Variants in SGO1 observed in about 807,000 individuals in gnomAD.
SGO1 encodes the protein shugoshin 1.
A neutral mutation model predicts 50.5 loss-of-function variants in SGO1; 39 were observed. The ratio of observed to expected loss-of-function variants is 0.77; its 90% CI spans 0.60 to 1.01. The LOEUF is 1.01. SGO1 is among the 50% of genes least tolerant of loss of function. The pLI is 0.00. For missense variants in SGO1, 638 were observed against 606.0 expected (o/e 1.05, Z -0.55); for synonymous variants, 191 against 205.1 (o/e 0.93, Z 0.59).
chr3:20,170,246 A>G lies in SGO1; in HGVS notation c.*458T>C. The stretch of plus-strand genomic sequence containing the variant: ...AAACCCTGTCTCTACTAAAAATACA[A>G]AATTAGCCGGGCGTAGTGGCACATG... On this transcript the variant is annotated 3_prime_UTR_variant, in exon 8 of 8. Coordinates refer to ENST00000412997, the MANE Select transcript of SGO1 (RefSeq NM_001199251.3). 1 of 484,442 alleles carries G rather than the reference A, an allele frequency of 2.1e-6. No homozygotes were observed. Among genetic ancestry groups the G allele is most frequent in the Non-Finnish European group, 2.7e-6 (1 of 372,370 alleles). 30.0% of individuals were successfully genotyped at this position (484,442 alleles called of 1,614,324 possible). A position where few individuals can be genotyped will look rare whatever the true frequency, so the allele number is the denominator to read the frequency against.
chr3:20,165,442 A>G (rs1295356521), downstream of SGO1, among the ~76,000 whole-genome samples: 3 of 152,244 alleles, frequency 2.0e-5, no homozygotes, highest in Non-Finnish European at 4.4e-5. Context: ...AATCAATAAA[A>G]GCAAAATTAT....
intron 4 of SGO1, chr3:20,177,234 A>G (rs1168963976): frequency 6.6e-6 from 1 of 152,208 alleles, no homozygotes; most frequent in Admixed American, 6.5e-5. Flanking sequence ...TCTACTCTAG[A>G]CATTAAACAG....
intron 6 of SGO1, among the ~76,000 whole-genome samples, chr3:20,171,812 G>C (rs1413132627): frequency 6.6e-6 from 1 of 152,138 alleles, no homozygotes; most frequent in African/African-American, 2.4e-5. Context: ...TGTACACCAG[G>C]AGAAAAGCTA....
In SGO1 at chr3:20,170,066, A is replaced by G; in HGVS notation, c.*638T>C. The stretch of plus-strand genomic sequence containing the variant: ...GATGCCAGAAGCTTATAATTAAAAG[A>G]TCTTATTTGAGTAATCATTATTCAT... On this transcript the variant is annotated 3_prime_UTR_variant, in exon 8 of 8. Transcript: ENST00000412997. 1 of 985,252 alleles carries G rather than the reference A, an allele frequency of 1.0e-6. No homozygotes were observed. Among genetic ancestry groups the G allele is most frequent in the South Asian group, 4.7e-5 (1 of 21,288 alleles). The allele number at this position is 985,252 out of a possible 1,614,324, so 61.0% of individuals were successfully genotyped here. A position where few individuals can be genotyped will look rare whatever the true frequency, so the allele number is the denominator to read the frequency against.
At chr3:20,167,593 T>C, downstream of SGO1, among the ~76,000 whole-genome samples, 1 of 152,152 alleles carries the variant, frequency 6.6e-6, no homozygotes, top group East Asian at 1.9e-4. Context: ...CAGATACAAG[T>C]TCATAGTAAT....
intron 5 of SGO1, 88 bp from the exon 6 acceptor site, chr3:20,175,143 G>A: frequency 7.7e-7 from 1 of 1,294,962 alleles, no homozygotes; most frequent in Non-Finnish European, 1.0e-6. Flanking sequence ...CTAAAAAAGT[G>A]AATGACCAAA....
upstream of SGO1, chr3:20,186,225 C>T (rs1264210075): frequency 1.3e-5 from 2 of 152,476 alleles, no homozygotes; most frequent in East Asian, 3.8e-4. Flanking sequence ...CCGCCTCGCT[C>T]CTCCATTGGT....
chr3:20,165,900 A>C (rs1700274794), downstream of SGO1, among the ~76,000 whole-genome samples: 1 of 152,076 alleles, frequency 6.6e-6, no homozygotes, highest in African/African-American at 2.4e-5. Context: ...AATAATACAA[A>C]AAATAGCTGG....
At chr3:20,164,768 A>G (rs963883067), downstream of SGO1, among the ~76,000 whole-genome samples, 7 of 150,012 alleles carry the variant, frequency 4.7e-5, no homozygotes, top group African/African-American at 1.8e-4. Context: ...ATAAACTAGC[A>G]GCAAAATAAC....
intron 4 of SGO1, among the ~76,000 whole-genome samples, chr3:20,177,874 A>G (rs1032034390): frequency 1.1e-3 from 139 of 131,904 alleles, no homozygotes; most frequent in African/African-American, 3.6e-3. Context: ...GTTAAATATG[A>G]TATTTTATTT....
chr3:20,173,842 G>C (rs1472055465), intron 6 of SGO1, among the ~76,000 whole-genome samples: 1 of 152,060 alleles, frequency 6.6e-6, no homozygotes, highest in Admixed American at 6.6e-5. Context: ...TTAAATCACG[G>C]TTCCTGTCAA....
At position 20,169,791 on chromosome 3, in the gene SGO1, C is replaced by G. The variant is rs546746671; in HGVS notation, c.*913G>C. The stretch of plus-strand genomic sequence containing the variant: ...CTTGTCCCTGAGCCTAAAAAAGAAT[C>G]AATTTCTCTAGTCATTTTCCCATAC... On this transcript the variant is annotated 3_prime_UTR_variant, in exon 8 of 8. Transcript: ENST00000412997. The G allele has an allele frequency of 1.0e-6, 1 of 964,172 alleles. No individual in the cohort carries two copies. Among genetic ancestry groups the G allele is most frequent in the Non-Finnish European group, 1.2e-6 (1 of 810,606 alleles). 59.7% of individuals were successfully genotyped at this position (964,172 alleles called of 1,614,324 possible).
chr3:20,160,690 T>A, exon 9 of SGO1: 1 of 154,108 alleles, frequency 6.5e-6, no homozygotes, highest in Non-Finnish European at 1.4e-5. Flanking sequence ...TTTTGTGATT[T>A]AAAAAAAAAT....
chr3:20,163,779 G>A (rs1700161291), intron 8 of SGO1, among the ~76,000 whole-genome samples: 1 of 152,084 alleles, frequency 6.6e-6, no homozygotes, highest in African/African-American at 2.4e-5. Context: ...GATAACTACA[G>A]CTCTTACATG....
In SGO1 at chr3:20,174,850, T is replaced by C. The variant is rs1383788005; in HGVS notation, c.681A>G (p.Gly227=). Residue 227 remains glycine (G), a synonymous_variant, in exon 6 of 8, where the codon GGA becomes GGG. Coordinates refer to ENST00000412997, the MANE Select transcript of SGO1 (RefSeq NM_001199251.3). ...AGKSFEFERV[G]FLDPLVNMHI... Reference sequence around the variant, plus strand: ...GCATGTTTACTAGTGGGTCTAAAAATCCAACTCTTTCGAATTCAAAAGACT... The same window carrying C: ...GCATGTTTACTAGTGGGTCTAAAAACCCAACTCTTTCGAATTCAAAAGACT... The C allele has an allele frequency of 3.1e-6, 5 of 1,613,912 alleles. No homozygotes were observed. In the Admixed American group the frequency reaches 8.3e-5, roughly 27 times the overall value.
rs1213826288 is a variant in SGO1, at chr3:20,174,425, C to T, written c.1106G>A (p.Cys369Tyr). ...ATCATCTCCTGAACCACTTGATTCACAGAGGCTCACTTCAGACTCGTTGTT... is the reference window on the plus strand; with the variant it reads ...ATCATCTCCTGAACCACTTGATTCATAGAGGCTCACTTCAGACTCGTTGTT... ...EENNESEVSL[C>Y]ESSGSGDDSD... Residue 369 changes from cysteine to tyrosine, a missense_variant, in exon 6 of 8, where the codon TGT becomes TAT. By Grantham distance (194) the Cys-to-Tyr change is radical. Transcript: ENST00000412997. 2 of 1,614,140 alleles carry T rather than the reference C, an allele frequency of 1.2e-6. No homozygotes were observed. The highest frequency in any genetic ancestry group is 1.7e-5 in the Admixed American group (1 of 60,022).
At chr3:20,175,535 G>A (rs913235576) in intron 5 of SGO1, among the ~76,000 whole-genome samples, 12 of 152,054 alleles carry the variant, frequency 7.9e-5, no homozygotes, top group African/African-American at 2.2e-4. Flanking sequence ...GGTGGCTTAC[G>A]CTTGTAATCC....
At position 20,179,476 on chromosome 3, in the gene SGO1, G is replaced by A. The variant is rs1047201442; in HGVS notation, c.340-1129C>T. 1.6e-4 allele frequency among the ~76,000 whole-genome samples: 24 copies of A among 151,940 alleles called. 1 individual carries two copies. Among genetic ancestry groups the A allele is most frequent in the Admixed American group, 4.6e-4 (7 of 15,214 alleles). On this transcript the variant is annotated intron_variant, in intron 3 of 7. Coordinates refer to ENST00000412997, the MANE Select transcript of SGO1 (RefSeq NM_001199251.3). ...GTCTTGCTTTGTCACCCAAGCTGAA[G>A]TGTAGTGGTGCTATCATAGCTCACT...
At chr3:20,165,013 A>G (rs1383868236), downstream of SGO1, among the ~76,000 whole-genome samples, 1 of 152,218 alleles carries the variant, frequency 6.6e-6, no homozygotes, top group Non-Finnish European at 1.5e-5. Context: ...AAAGCAGAGT[A>G]GTTTCTTAGT....
Sources: gnomAD v4.1 joint callset for allele counts (sites outside exome capture counted in the v4.1 genomes callset) on GRCh38, gnomAD v4.1.1 for gene constraint, MANE v1.5 for transcripts, NCBI Gene and HGNC (gene_info 2026-07-23, HGNC 2026-07-21) for gene names.